SOCS6: variants seen among roughly 807,000 people sequenced by gnomAD.
SOCS6 encodes STAT induced STAT inhibitor-4.
A neutral mutation model predicts 27.7 loss-of-function variants in SOCS6; 5 were observed. The observed-to-expected ratio is 0.18, with a 90% CI of 0.09 to 0.38. The LOEUF (loss-of-function observed/expected upper bound fraction) is 0.38. SOCS6 is among the 10% of genes least tolerant of loss of function. SOCS6 has a pLI of 1.00. For synonymous variants in SOCS6, 271 were observed against 260.0 expected (o/e 1.04, Z -0.41); for missense variants, 595 against 688.1 (o/e 0.86, Z 1.51).
At chr18:70,289,792 A>G (rs2062290672) in intron 1 of SOCS6, among the ~76,000 whole-genome samples, 1 of 152,012 alleles carries the variant, frequency 6.6e-6, no homozygotes, top group South Asian at 2.1e-4. Context: ...GGACCGGACG[A>G]TTGTGGAATT....
chr18:70,304,939 G>A (rs1216286696), intron 1 of SOCS6, among the ~76,000 whole-genome samples: 1 of 152,190 alleles, frequency 6.6e-6, no homozygotes, highest in Non-Finnish European at 1.5e-5. Context: ...GAGCGCGGTG[G>A]CTCACGCCTG....
At chr18:70,289,517 C>CCGCGAGGCCTGGGCAGCGG (rs1264078529) in intron 1 of SOCS6, among the ~76,000 whole-genome samples, 6 of 146,844 alleles carry the variant, frequency 4.1e-5, no homozygotes, top group African/African-American at 1.5e-4. Flanking sequence ...GGCCGGGGCT[C>CCGCGAGGCCTGGGCAGCGG]CGCGAGGCCT....
intron 1 of SOCS6, among the ~76,000 whole-genome samples, chr18:70,299,541 TTTCTC>T (rs1172661132): frequency 6.6e-6 from 1 of 152,146 alleles, no homozygotes; most frequent in Non-Finnish European, 1.5e-5. Context: ...TTTCTCTTCA[TTTCTC>T]TTCAGGATAG....
At chr18:70,305,111 G>A (rs573236152) in intron 1 of SOCS6, among the ~76,000 whole-genome samples, 2 of 93,990 alleles carry the variant, frequency 2.1e-5, no homozygotes, top group South Asian at 9.3e-4. Flanking sequence ...GGAGGCCGAC[G>A]CAGGAGAATT....
intron 1 of SOCS6, 97 bp from the exon 2 acceptor site, chr18:70,324,446 T>A (rs938326487): frequency 1.0e-5 from 4 of 392,040 alleles, no homozygotes; most frequent in Non-Finnish European, 1.8e-5. Flanking sequence ...AAGACTGGGG[T>A]GTTCTCGTTC....
chr18:70,304,673 C>T (rs1333527245), intron 1 of SOCS6, among the ~76,000 whole-genome samples: 6 of 152,100 alleles, frequency 3.9e-5, no homozygotes, highest in Admixed American at 1.3e-4. Flanking sequence ...TTGTCAGTTA[C>T]GATACACAGA....
At chr18:70,306,449 C>T (rs1429958341) in intron 1 of SOCS6, among the ~76,000 whole-genome samples, 1 of 138,120 alleles carries the variant, frequency 7.2e-6, no homozygotes, top group Non-Finnish European at 1.5e-5. Context: ...TGCCATTGCA[C>T]TCCAGCCTGG....
intron 1 of SOCS6, among the ~76,000 whole-genome samples, chr18:70,289,525 C>T (rs1485265130): frequency 1.4e-5 from 2 of 146,772 alleles, no homozygotes; most frequent in African/African-American, 2.4e-5. Context: ...CTCCGCGAGG[C>T]CTGGGCAGCG....
chr18:70,292,690 A>G (rs1227218156), intron 1 of SOCS6, among the ~76,000 whole-genome samples: 1 of 152,202 alleles, frequency 6.6e-6, no homozygotes, highest in Non-Finnish European at 1.5e-5. Context: ...ATTTCTGCCT[A>G]GTTCTGAAAT....
intron 1 of SOCS6, among the ~76,000 whole-genome samples, chr18:70,294,897 T>C (rs977383166): frequency 2.5e-4 from 38 of 152,228 alleles, no homozygotes; most frequent in East Asian, 1.9e-4. Context: ...TAAAATACTT[T>C]CTAAAATTGT....
rs754219214 is a variant in SOCS6 at position 70,324,828 on chromosome 18, T to C, written c.160T>C (p.Cys54Arg). The change falls in exon 2 of 2, where the codon TGC (cysteine) becomes CGC (arginine). Residue 54 changes from cysteine to arginine, a missense_variant. This residue lies in a region of SOCS6 where 467 missense variants were observed against 481.1 expected (regional missense o/e 0.97). Coordinates refer to ENST00000397942, the MANE Select transcript of SOCS6 (RefSeq NM_004232.4). ...CTGCTATGGTAAAGATATGGCCAGC[T>C]GCGATATCAACGGTGAAGATGAAAA... ...GSCYGKDMAS[C>R]DINGEDEKGG... The C allele has an allele frequency of 5.4e-5, 87 of 1,614,018 alleles. No individual in the cohort carries two copies. Among genetic ancestry groups the C allele is most frequent in the Non-Finnish European group, 7.2e-5 (85 of 1,180,018 alleles).
At chr18:70,320,379 T>C (rs1261458562) in intron 1 of SOCS6, among the ~76,000 whole-genome samples, 2 of 152,318 alleles carry the variant, frequency 1.3e-5, no homozygotes, top group African/African-American at 4.8e-5. Flanking sequence ...TTTGATATAG[T>C]ATCAAAGAAA....
intron 1 of SOCS6, among the ~76,000 whole-genome samples, chr18:70,317,527 C>A (rs191488130): frequency 1.4e-4 from 1 of 7,274 alleles, no homozygotes; most frequent in Non-Finnish European, 3.2e-3. Flanking sequence ...TACATATATA[C>A]GTATATATAC....
chr18:70,316,903 C>T (rs2062413716), intron 1 of SOCS6, among the ~76,000 whole-genome samples: 1 of 152,196 alleles, frequency 6.6e-6, no homozygotes, highest in Admixed American at 6.5e-5. Flanking sequence ...AAATGATACA[C>T]TCTATATCCT....
intron 1 of SOCS6, among the ~76,000 whole-genome samples, chr18:70,295,594 T>TA (rs1286059639): frequency 6.6e-6 from 1 of 152,234 alleles, no homozygotes; most frequent in Non-Finnish European, 1.5e-5. Context: ...CTTTTAAAGT[T>TA]AAAAAAGAAA....
intron 1 of SOCS6, among the ~76,000 whole-genome samples, chr18:70,324,250 C>G (rs1911099315): frequency 6.6e-6 from 1 of 151,512 alleles, no homozygotes; most frequent in Non-Finnish European, 1.5e-5. Flanking sequence ...TGCAGTGAGC[C>G]GAGATCACGC....
chr18:70,308,767 T>G (rs1360826807), intron 1 of SOCS6, among the ~76,000 whole-genome samples: 1 of 152,210 alleles, frequency 6.6e-6, no homozygotes, highest in Non-Finnish European at 1.5e-5. Context: ...GTGTTTACAA[T>G]TGCTGTGTCT....
chr18:70,314,697 T>G (rs2062404552), intron 1 of SOCS6, among the ~76,000 whole-genome samples: 1 of 152,222 alleles, frequency 6.6e-6, no homozygotes, highest in Non-Finnish European at 1.5e-5. Context: ...AATTTTCAGA[T>G]GTTTAATCAT....
rs766434830 is a variant in SOCS6 at position 70,325,173 on chromosome 18, A to G, written c.505A>G (p.Asn169Asp). ...CTCTTCCAGCCCGAGTCCAGCCCTG[A>G]ATGGCGTCCGGAAGGATTTCCACGA... ...VHSSSPSPAL[N>D]GVRKDFHDLQ... The change falls in exon 2 of 2, where the codon AAT becomes GAT. Residue 169 changes from asparagine (N) to aspartate (D), a missense_variant. Asn to Asp is a conservative substitution (Grantham distance 23, BLOSUM62 1). Transcript: ENST00000397942. This position sits in a 1 kb window ranked among gnomAD's most constrained non-coding sequence, Gnocchi z 6.3. The G allele has an allele frequency of 4.3e-6, 7 of 1,614,006 alleles. No homozygotes were observed. Among genetic ancestry groups the G allele is most frequent in the Non-Finnish European group, 8.5e-7 (1 of 1,179,998 alleles).
Sources: gnomAD v4.1 joint callset for allele counts (sites outside exome capture counted in the v4.1 genomes callset) on GRCh38, gnomAD v4.1.1 for gene constraint, gnomAD v4.1.1 regional missense constraint, Gnocchi (gnomAD v3.1) non-coding constraint, MANE v1.5 for transcripts, NCBI Gene and HGNC (gene_info 2026-07-23, HGNC 2026-07-21) for gene names.